GALM: variants seen among roughly 807,000 people sequenced by gnomAD.
GALM encodes aldose 1-epimerase.
A neutral mutation model predicts 37.4 loss-of-function variants in GALM; 43 were observed. The observed-to-expected ratio is 1.15, with a 90% CI of 0.90 to 1.48. The LOEUF is 1.48. Ranked by LOEUF, GALM falls within the 40% of genes most tolerant of loss-of-function variation. GALM has a pLI of 0.00. For missense variants in GALM, 456 were observed against 419.1 expected (o/e 1.09, Z -0.77); for synonymous variants, 199 against 170.6 (o/e 1.17, Z -1.30).
At chr2:38,684,831 A>C (rs1246738760) in intron 3 of GALM, among the ~76,000 whole-genome samples, 6 of 144,304 alleles carry the variant, frequency 4.2e-5, no homozygotes, top group African/African-American at 1.2e-4. Flanking sequence ...ACAAACAAAC[A>C]AAAAAACAAC....
intron 2 of GALM, among the ~76,000 whole-genome samples, chr2:38,679,898 T>C (rs905078545): frequency 2.3e-4 from 35 of 152,198 alleles, no homozygotes; most frequent in Admixed American, 2.2e-3. Flanking sequence ...ACCCGATAAG[T>C]GTTCGTTTTC....
At chr2:38,672,983 C>T (rs577303948) in intron 1 of GALM, among the ~76,000 whole-genome samples, 124 of 152,228 alleles carry the variant, frequency 8.1e-4, no homozygotes, top group African/African-American at 2.9e-3. Flanking sequence ...CACTCCAGCC[C>T]AGGCTATAAG....
intron 4 of GALM, among the ~76,000 whole-genome samples, chr2:38,700,053 G>A (rs559959447): frequency 6.6e-6 from 1 of 152,186 alleles, no homozygotes; most frequent in South Asian, 2.1e-4. Flanking sequence ...CCAGGTTCAA[G>A]CAATTCTCGT....
rs149469299 is a variant in GALM, at chr2:38,676,018, T to C, written c.297T>C (p.Ile99=). The change falls in exon 2 of 7, where the codon ATT becomes ATC. Residue 99 remains isoleucine, a synonymous_variant. Coordinates refer to ENST00000272252, the MANE Select transcript of GALM (RefSeq NM_138801.3). The part of the protein sequence containing the change: ...KVDGKEYHLA[I]NKEPNSLHGG... The stretch of plus-strand genomic sequence containing the variant: ...ATGGGAAGGAGTATCACCTGGCCAT[T>C]AACAAGGAACCCAACAGTCTGCATG... 2 of 1,613,986 alleles carry C rather than the reference T, an allele frequency of 1.2e-6. No homozygotes were observed. Among genetic ancestry groups the C allele is most frequent in the Non-Finnish European group, 8.5e-7 (1 of 1,179,974 alleles).
At position 38,729,577 on chromosome 2, in the gene GALM, G is replaced by A; in HGVS notation, c.656G>A (p.Gly219Asp). The change falls in exon 5 of 7, where the codon GGC becomes GAC. Residue 219 changes from glycine (G) to aspartate (D), a missense_variant. By Grantham distance (94) the Gly-to-Asp change is moderately conservative (BLOSUM62 -1). Coordinates refer to ENST00000272252, the MANE Select transcript of GALM (RefSeq NM_138801.3). Reference sequence around the variant, plus strand: ...TCAGGAGAAGTTGCCCCAGTGCAAGGCACTGCATTCGACCTGAGAAAGCCA... The same window carrying A: ...TCAGGAGAAGTTGCCCCAGTGCAAGACACTGCATTCGACCTGAGAAAGCCA... ...IPTGEVAPVQ[G>D]TAFDLRKPVE... 2 of 1,613,574 alleles carry A rather than the reference G, an allele frequency of 1.2e-6. No homozygotes were observed. The highest frequency in any genetic ancestry group is 2.2e-5 in the South Asian group (2 of 91,058).
chr2:38,691,040 G>C (rs1225446039), intron 4 of GALM, among the ~76,000 whole-genome samples: 1 of 152,142 alleles, frequency 6.6e-6, no homozygotes, highest in South Asian at 2.1e-4. Flanking sequence ...CAATAGAAGG[G>C]CATGAGTAAG....
At chr2:38,697,247 T>C (rs1665831060) in intron 4 of GALM, among the ~76,000 whole-genome samples, 1 of 152,132 alleles carries the variant, frequency 6.6e-6, no homozygotes, top group Non-Finnish European at 1.5e-5. Context: ...ATTCCTCGGA[T>C]TGTGCGTGGG....
intron 2 of GALM, among the ~76,000 whole-genome samples, chr2:38,678,529 T>C (rs796692098): frequency 1.3e-5 from 2 of 152,340 alleles, no homozygotes; most frequent in African/African-American, 4.8e-5. Context: ...TAAGATTTCA[T>C]TTCAATTATT....
intron 1 of GALM, among the ~76,000 whole-genome samples, chr2:38,672,888 T>TA (rs1665147801): frequency 6.6e-6 from 1 of 151,520 alleles, no homozygotes. Flanking sequence ...CGGGCACCTG[T>TA]AATCCCAGCT....
intron 1 of GALM, among the ~76,000 whole-genome samples, chr2:38,674,973 G>A (rs1317099557): frequency 6.6e-6 from 1 of 152,114 alleles, no homozygotes; most frequent in Admixed American, 6.5e-5. Flanking sequence ...TCAGGAGTTC[G>A]AGACCAGCCT....
Position 38,666,266 on chromosome 2 carries a change from C to T in GALM, c.105C>T (p.Ser35=). 5 of 1,614,070 alleles carry T rather than the reference C, an allele frequency of 3.1e-6. No individual in the cohort carries two copies. The highest frequency in any genetic ancestry group is 4.2e-6 in the Non-Finnish European group (5 of 1,179,940). The change falls in exon 1 of 7, where the codon TCC becomes TCT. Residue 35 remains serine, a synonymous_variant. Coordinates refer to ENST00000272252, the MANE Select transcript of GALM (RefSeq NM_138801.3). ...QSDLLRVDII[S]WGCTITALEV... ...ACCTCTTGAGAGTGGACATCATCTC[C>T]TGGGGCTGCACGATCACAGCCCTAG...
At chr2:38,723,483 A>G (rs1282506725) in intron 4 of GALM, among the ~76,000 whole-genome samples, 1 of 152,110 alleles carries the variant, frequency 6.6e-6, no homozygotes, top group African/African-American at 2.4e-5. Flanking sequence ...AGTATGTAAC[A>G]TTTCTCTTTC....
chr2:38,672,315 C>T (rs888441563), intron 1 of GALM, among the ~76,000 whole-genome samples: 4 of 152,156 alleles, frequency 2.6e-5, no homozygotes, highest in African/African-American at 9.7e-5. Flanking sequence ...AAAAATTCTG[C>T]TTTTCTATAA....
chr2:38,709,397 C>T (rs12987870), intron 4 of GALM, among the ~76,000 whole-genome samples: 12,530 of 152,134 alleles, frequency 0.082, 759 homozygotes, highest in East Asian at 0.31. Context: ...AAATGCCTTA[C>T]GTGGTCCCAA....
intron 3 of GALM, among the ~76,000 whole-genome samples, chr2:38,686,258 T>TCTTTCTCTCTTTCTCTCTTTCTC: frequency 2.0e-5 from 2 of 100,052 alleles, no homozygotes; most frequent in Non-Finnish European, 4.0e-5. Flanking sequence ...CTTTCTTTCT[T>TCTTTCTCTCTTTCTCTCTTTCTC]TCTTTCTTTC....
chr2:38,729,588 G>A lies in GALM; in HGVS notation c.667G>A (p.Asp223Asn), dbSNP rs778733977. The change falls in exon 5 of 7, where the codon GAC becomes AAC. Residue 223 changes from aspartate (D) to asparagine (N), a missense_variant. By Grantham distance (23) the Asp-to-Asn change is conservative (BLOSUM62 1). Transcript: ENST00000272252. Reference protein sequence around the residue: ...EVAPVQGTAFDLRKPVELGKH... With the variant: ...EVAPVQGTAFNLRKPVELGKH... ...TGCCCCAGTGCAAGGCACTGCATTCGACCTGAGAAAGCCAGTGGAGCTTGG... is the reference window on the plus strand; with the variant it reads ...TGCCCCAGTGCAAGGCACTGCATTCAACCTGAGAAAGCCAGTGGAGCTTGG... 42 of 1,613,326 alleles carry A rather than the reference G, an allele frequency of 2.6e-5. No individual in the cohort carries two copies. Among genetic ancestry groups the A allele is most frequent in the African/African-American group, 1.5e-4 (11 of 74,840 alleles).
chr2:38,679,845 T>G (rs138737427), intron 2 of GALM, among the ~76,000 whole-genome samples: 4 of 152,258 alleles, frequency 2.6e-5, no homozygotes, highest in African/African-American at 4.8e-5. Flanking sequence ...AGATAGACAG[T>G]GTCTGTGAAG....
At chr2:38,712,816 A>AT (rs1244589807) in intron 4 of GALM, among the ~76,000 whole-genome samples, 1 of 152,108 alleles carries the variant, frequency 6.6e-6, no homozygotes, top group Non-Finnish European at 1.5e-5. Context: ...TTGTATGTTT[A>AT]TTTGGGGCGA....
At chr2:38,676,161 T>A in intron 2 of GALM, 95 bp downstream of exon 2, 1 of 1,269,964 alleles carries the variant, frequency 7.9e-7, no homozygotes, top group Non-Finnish European at 1.1e-6. Context: ...AGCACATGAG[T>A]GGTGAGATGC....
Sources: allele counts gnomAD v4.1 joint callset (sites outside exome capture counted in the v4.1 genomes callset), GRCh38; gene constraint gnomAD v4.1.1; transcripts MANE v1.5; gene names NCBI Gene and HGNC (gene_info 2026-07-23, HGNC 2026-07-21).